The following POLR3A variants were observed in gnomAD, a reference collection of about 807,000 sequenced individuals.
The protein encoded by POLR3A is RNA polymerase III subunit A.
POLR3A carries 112 observed loss-of-function variants against 152.8 expected under a neutral mutation model. That is an observed-to-expected ratio of 0.73 (90% CI 0.63 to 0.86). The LOEUF is 0.86. POLR3A is among the 40% of genes least tolerant of loss of function. POLR3A has a pLI of 0.00. For missense variants in POLR3A, 1,385 were observed against 1,743.1 expected (o/e 0.79, Z 3.66); for synonymous variants, 615 against 652.1 (o/e 0.94, Z 0.87).
In POLR3A at chr10:77,988,814, C is replaced by G. The variant is rs373315749; in HGVS notation, c.2901+2240G>C. ...GTCCTTTTGAGAAAGGTCCCGAAAG[C>G]CCTCTTGGCCCAGATGTTGCCATTT... On this transcript the variant is annotated intron_variant, in intron 21 of 30. Coordinates refer to ENST00000372371, the MANE Select transcript of POLR3A (RefSeq NM_007055.4). Among the ~76,000 whole-genome samples, 9 of 152,258 alleles carry G rather than the reference C, an allele frequency of 5.9e-5. No homozygotes were observed. In the South Asian group the frequency reaches 1.7e-3, roughly 28 times the overall value.
intron 15 of POLR3A, among the ~76,000 whole-genome samples, chr10:78,005,529 T>C (rs1589311841): frequency 6.6e-6 from 1 of 152,130 alleles, no homozygotes; most frequent in African/African-American, 2.4e-5. Flanking sequence ...TATGTAGAAA[T>C]AAAGAGAGTG....
At chr10:77,978,606 A>C (rs1589301263) in intron 30 of POLR3A, among the ~76,000 whole-genome samples, 5 of 129,350 alleles carry the variant, frequency 3.9e-5, no homozygotes, top group African/African-American at 5.8e-5. Flanking sequence ...TCTTCTGTGT[A>C]CCTCCCTCTG....
chr10:78,019,587 G>A (rs948951141), intron 8 of POLR3A: 2 of 386,818 alleles, frequency 5.2e-6, no homozygotes, highest in South Asian at 2.5e-5. Flanking sequence ...AACAGGTGGC[G>A]ACTTGATCTG....
At position 78,010,552 on chromosome 10, in the gene POLR3A, G is replaced by A. The variant is rs1847457402; in HGVS notation, c.1573-12C>T. The A allele has an allele frequency of 1.2e-6, 2 of 1,608,178 alleles. No homozygotes were observed. ...AGATTTGCTTTAGTCTGTAGGAAAA[G>A]TAAGCGCAGTCAGTTAGCTGTTCTC... is the stretch of plus-strand genomic sequence containing the variant. On this transcript the variant is annotated splice_polypyrimidine_tract_variant and intron_variant, in intron 11 of 30. Transcript: ENST00000372371.
Position 78,013,786 on chromosome 10 carries a change from C to G in POLR3A, c.1436G>C (p.Arg479Thr), listed in dbSNP as rs1847489997. The G allele has an allele frequency of 6.2e-7, 1 of 1,614,210 alleles. No individual in the cohort carries two copies. The highest frequency in any genetic ancestry group is 8.5e-7 in the Non-Finnish European group (1 of 1,180,036). ...HKLSIMAHLARVKPHRTFRFN... is the reference protein window; with the variant it reads ...HKLSIMAHLATVKPHRTFRFN... ...TCTGAAGGTCCGGTGGGGCTTGACC[C>G]TGGCCTGTGGAACACAAAACAAAAC... Residue 479 changes from arginine to threonine, a missense_variant, in exon 11 of 31, where the codon AGG becomes ACG. Physicochemically the swap from Arg to Thr is moderately conservative, Grantham distance 71. Around this residue, in one of 7 missense-constraint regions of POLR3A, gnomAD observed 493 missense variants for 647.5 expected, o/e 0.76. Coordinates refer to ENST00000372371, the MANE Select transcript of POLR3A (RefSeq NM_007055.4).
intron 11 of POLR3A, among the ~76,000 whole-genome samples, chr10:78,011,929 A>G (rs913002440): frequency 2.6e-5 from 4 of 152,254 alleles, no homozygotes; most frequent in Admixed American, 1.3e-4. Flanking sequence ...ATGCAGTTGT[A>G]ACACAATGTC....
At chr10:77,999,212 T>C (rs529113714) in intron 19 of POLR3A, among the ~76,000 whole-genome samples, 1 of 152,228 alleles carries the variant, frequency 6.6e-6, no homozygotes, top group African/African-American at 2.4e-5. Flanking sequence ...AATGAGTTAA[T>C]GGGTACAGCA....
At chr10:78,007,640 G>A (rs1381276107) in intron 15 of POLR3A, 62 bp downstream of exon 15, 11 of 1,429,392 alleles carry the variant, frequency 7.7e-6, no homozygotes, top group African/African-American at 4.2e-5. Flanking sequence ...ACAAAATAAC[G>A]TAAACCCTTA....
intron 14 of POLR3A, among the ~76,000 whole-genome samples, 155 bp from the exon 15 acceptor site, chr10:78,008,021 G>A (rs1370309645): frequency 1.3e-5 from 2 of 149,414 alleles, no homozygotes; most frequent in African/African-American, 2.5e-5. Flanking sequence ...GGGGGAGGGA[G>A]GGGGGGTTAA....
intron 4 of POLR3A, 48 bp downstream of exon 4, chr10:78,024,923 C>T (rs761304195): frequency 6.3e-7 from 1 of 1,596,262 alleles, no homozygotes; most frequent in Non-Finnish European, 8.6e-7. Flanking sequence ...AAACAGAAGA[C>T]AGTGAGTGAA....
In POLR3A at chr10:78,000,032, C is replaced by G; in HGVS notation, c.2565G>C (p.Arg855=). 6.2e-7 allele frequency: 1 copy of G among 1,614,072 alleles called. No homozygotes were observed. The highest frequency in any genetic ancestry group is 8.5e-7 in the Non-Finnish European group (1 of 1,180,004). The change falls in exon 19 of 31, where the codon CGG becomes CGC. Residue 855 remains arginine, a synonymous_variant. Coordinates refer to ENST00000372371, the MANE Select transcript of POLR3A (RefSeq NM_007055.4). ...TEFFFHTMAG[R]EGLVDTAVKT... is the part of the protein sequence containing the mutation. ...TTACAGCCGTGTCGACTAGACCTTC[C>G]CGGCCGGCCATTGTGTGGAAGAAAA...
chr10:78,003,312 T>C (rs1441683464), intron 16 of POLR3A, among the ~76,000 whole-genome samples: 1 of 152,258 alleles, frequency 6.6e-6, no homozygotes, highest in African/African-American at 2.4e-5. Context: ...GGTTTCTCCC[T>C]GCTTTAGAAA....
At position 78,025,042 on chromosome 10, in the gene POLR3A, C is replaced by G; in HGVS notation, c.419G>C (p.Arg140Pro). 2 of 1,614,184 alleles carry G rather than the reference C, an allele frequency of 1.2e-6. No homozygotes were observed. The highest frequency in any genetic ancestry group is 1.7e-6 in the Non-Finnish European group (2 of 1,180,028). ...KRPGLTYLQK[R>P]GLKKKISDKC... is the part of the protein sequence containing the mutation. ...GTCAGAGATTTTCTTTTTCAGTCCT[C>G]GCTTCTGAAGGTAGGTCAGGCCGGG... Residue 140 changes from arginine to proline, a missense_variant, in exon 4 of 31, where the codon CGA becomes CCA. Coordinates refer to ENST00000372371, the MANE Select transcript of POLR3A (RefSeq NM_007055.4).
chr10:77,977,015 A>T lies in POLR3A; in HGVS notation c.*463T>A, dbSNP rs537710372. 1.2e-5 allele frequency: 2 copies of T among 163,034 alleles called. No homozygotes were observed. The highest frequency in any genetic ancestry group is 3.5e-4 in the East Asian group (2 of 5,736). The allele number at this position is 163,034 out of a possible 1,614,324, so 10.1% of individuals were successfully genotyped here. A position where few individuals can be genotyped will look rare whatever the true frequency, so the allele number is the denominator to read the frequency against. ...TAATAGTAACAATATTTACATAAGTATGTCACATTGAGAGATTCCAGCATG... is the reference window on the plus strand; with the variant it reads ...TAATAGTAACAATATTTACATAAGTTTGTCACATTGAGAGATTCCAGCATG... On this transcript the variant is annotated 3_prime_UTR_variant, in exon 31 of 31. Coordinates refer to ENST00000372371, the MANE Select transcript of POLR3A (RefSeq NM_007055.4).
In POLR3A at chr10:78,017,653, C is replaced by G. The variant is rs1386770615; in HGVS notation, c.1353G>C (p.Glu451Asp). 6.2e-7 allele frequency: 1 copy of G among 1,614,082 alleles called. No homozygotes were observed. The highest frequency in any genetic ancestry group is 1.7e-5 in the Admixed American group (1 of 60,018). The change falls in exon 10 of 31, where the codon GAG (glutamate) becomes GAC (aspartate). Residue 451 changes from glutamate to aspartate, a missense_variant. Physicochemically the swap from Glu to Asp is conservative, Grantham distance 45 (BLOSUM62 2). Transcript: ENST00000372371. ...CCACATCTCCATCGATGAGGTGTCT[C>G]TCTACGATGTCACCATACTTGAGCT... Reference protein sequence around the residue: ...AQELKYGDIVERHLIDGDVVL... With the variant: ...AQELKYGDIVDRHLIDGDVVL...
intron 24 of POLR3A, among the ~76,000 whole-genome samples, 173 bp from the exon 25 acceptor site, chr10:77,984,471 G>C (rs1027399670): frequency 6.6e-6 from 1 of 152,178 alleles, no homozygotes; most frequent in African/African-American, 2.4e-5. Flanking sequence ...AGCCTCTGGA[G>C]TAGCTGGGAC....
chr10:78,022,111 C>T (rs768343366), intron 6 of POLR3A, 34 bp downstream of exon 6: 10 of 1,614,154 alleles, frequency 6.2e-6, no homozygotes, highest in Admixed American at 3.3e-5. Flanking sequence ...GATAGATATA[C>T]TATGAAACTT....
In POLR3A at chr10:77,977,308, G is replaced by A; in HGVS notation, c.*170C>T. Reference sequence around the variant, plus strand: ...ACAGTCAGGGTCACTGGTGTGAGCTGCACCCTATCAGAGGAGAAGCTGCTC... The same window carrying A: ...ACAGTCAGGGTCACTGGTGTGAGCTACACCCTATCAGAGGAGAAGCTGCTC... On this transcript the variant is annotated 3_prime_UTR_variant, in exon 31 of 31. Transcript: ENST00000372371. The A allele has an allele frequency of 2.8e-6, 2 of 724,162 alleles. No homozygotes were observed. The highest frequency in any genetic ancestry group is 5.0e-6 in the Non-Finnish European group (2 of 400,966). The allele number at this position is 724,162 out of a possible 1,614,324, so 44.9% of individuals were successfully genotyped here.
At chr10:77,979,844 A>G (rs1296075957) in intron 30 of POLR3A, among the ~76,000 whole-genome samples, 2 of 152,142 alleles carry the variant, frequency 1.3e-5, no homozygotes, top group Admixed American at 1.3e-4. Context: ...GGCTGACTAC[A>G]AAGTCAAGGG....
Sources: allele counts gnomAD v4.1 joint callset (sites outside exome capture counted in the v4.1 genomes callset), GRCh38; gene constraint gnomAD v4.1.1; regional missense constraint gnomAD v4.1.1; transcripts MANE v1.5; gene names NCBI Gene and HGNC (gene_info 2026-07-23, HGNC 2026-07-21).